The following SHISA9 variants were observed in gnomAD, a reference collection of about 807,000 sequenced individuals.
The protein encoded by SHISA9 is shisa family member 9.
Under a neutral mutation model 38.0 loss-of-function variants are expected in SHISA9, and 13 were observed. The ratio of observed to expected loss-of-function variants is 0.34; its 90% CI spans 0.22 to 0.54. SHISA9 has a LOEUF of 0.54. Ranked by LOEUF, SHISA9 falls within the 20% of genes least tolerant of loss-of-function variation. The probability of loss-of-function intolerance (pLI) is 0.91; values close to 1 mark genes in which losing one functional copy is unlikely to be tolerated. For synonymous variants in SHISA9, 275 were observed against 242.0 expected, an observed-to-expected ratio of 1.14 and a Z score of -1.27; for missense variants, 538 against 575.8, an observed-to-expected ratio of 0.93 and a Z score of 0.67.
intron 2 of SHISA9, among the ~76,000 whole-genome samples, chr16:12,985,222 AAAATAAATAAATAAATAAGT>A (rs1339558120): frequency 1.4e-5 from 2 of 139,858 alleles, no homozygotes; most frequent in African/African-American, 2.8e-5. Context: ...CTGTCAACGA[AAAATAAATAAATAAATAAGT>A]AAATAAATAA....
intron 2 of SHISA9, among the ~76,000 whole-genome samples, chr16:13,111,764 C>T (rs970017262): frequency 1.3e-5 from 2 of 152,220 alleles, no homozygotes; most frequent in African/African-American, 4.8e-5. Flanking sequence ...ATTGAATTGC[C>T]TCTCCCCAAA....
the SHISA9 span, among the ~76,000 whole-genome samples, chr16:13,336,664 C>T: frequency 6.6e-6 from 1 of 152,196 alleles, no homozygotes; most frequent in South Asian, 2.1e-4. Flanking sequence ...ATCAATTTAG[C>T]TGTGGACCAC....
chr16:13,067,042 A>G (rs1465134459), intron 2 of SHISA9, among the ~76,000 whole-genome samples: 2 of 152,226 alleles, frequency 1.3e-5, no homozygotes, highest in African/African-American at 2.4e-5. Context: ...GTGGATGTTC[A>G]AATAGGAAGG....
intron 2 of SHISA9, among the ~76,000 whole-genome samples, chr16:13,105,832 C>A (rs2073920873): frequency 2.6e-5 from 4 of 152,148 alleles, no homozygotes; most frequent in Admixed American, 2.6e-4. Flanking sequence ...TACAGAGCTT[C>A]TAGGTTGAGG....
At chr16:13,549,930 G>GA in the SHISA9 span, among the ~76,000 whole-genome samples, 1 of 152,006 alleles carries the variant, frequency 6.6e-6, no homozygotes, top group Non-Finnish European at 1.5e-5. Flanking sequence ...GGCTGAGGCA[G>GA]GAGAATCGCT....
At chr16:13,483,568 C>T in the SHISA9 span, among the ~76,000 whole-genome samples, 41 of 151,996 alleles carry the variant, frequency 2.7e-4, no homozygotes, top group Non-Finnish European at 4.6e-4. Flanking sequence ...ATTAGAATGT[C>T]AGGTGTGCCA....
At chr16:13,057,717 G>A (rs1250396274) in intron 2 of SHISA9, among the ~76,000 whole-genome samples, 2 of 152,158 alleles carry the variant, frequency 1.3e-5, no homozygotes, top group Admixed American at 1.3e-4. Context: ...ATAGGTAAAC[G>A]TGTGCCATGG....
intron 2 of SHISA9, among the ~76,000 whole-genome samples, chr16:12,967,351 C>T (rs1054454860): frequency 2.6e-5 from 4 of 151,970 alleles, no homozygotes; most frequent in Non-Finnish European, 5.9e-5. Context: ...TAGGTGGGAA[C>T]TGAACAATGA....
the SHISA9 span, among the ~76,000 whole-genome samples, chr16:13,345,478 G>A: frequency 6.6e-6 from 1 of 152,240 alleles, no homozygotes; most frequent in East Asian, 1.9e-4. Flanking sequence ...TGGTGTACAT[G>A]TGCCACATTT....
chr16:12,903,297 C>T (rs373616687), intron 1 of SHISA9, among the ~76,000 whole-genome samples: 119 of 152,306 alleles, frequency 7.8e-4, no homozygotes, highest in Middle Eastern at 3.4e-3. Context: ...TCTCCCTGCC[C>T]GGGGCCGTGG....
At chr16:12,996,004 G>A (rs2072452789) in intron 2 of SHISA9, among the ~76,000 whole-genome samples, 1 of 152,150 alleles carries the variant, frequency 6.6e-6, no homozygotes, top group Non-Finnish European at 1.5e-5. Context: ...AATTGAAGGA[G>A]GGTGTAAATG....
At chr16:13,035,210 C>T (rs188112566) in intron 2 of SHISA9, among the ~76,000 whole-genome samples, 55 of 152,304 alleles carry the variant, frequency 3.6e-4, no homozygotes, top group Non-Finnish European at 2.2e-4. Context: ...ATGCAGCATA[C>T]AACTATGTAC....
the SHISA9 span, among the ~76,000 whole-genome samples, chr16:13,382,952 C>T: frequency 3.3e-5 from 5 of 152,178 alleles, no homozygotes; most frequent in African/African-American, 1.2e-4. Context: ...GATCACATGT[C>T]ATTGATACCT....
At chr16:13,486,922 A>C in the SHISA9 span, among the ~76,000 whole-genome samples, 1 of 152,176 alleles carries the variant, frequency 6.6e-6, no homozygotes, top group Non-Finnish European at 1.5e-5. Flanking sequence ...CAGGCTGGTC[A>C]TGAACTCCCG....
the SHISA9 span, among the ~76,000 whole-genome samples, chr16:13,324,697 T>G: frequency 6.6e-6 from 1 of 152,150 alleles, no homozygotes; most frequent in Admixed American, 6.5e-5. Context: ...CTGAATCAGT[T>G]TAGATTTTTA....
At chr16:12,910,524 T>C in intron 1 of SHISA9, 1 of 985,458 alleles carries the variant, frequency 1.0e-6, no homozygotes, top group Non-Finnish European at 1.2e-6. Context: ...GTACTAGCTT[T>C]CATAAGAAAG....
At chr16:13,452,671 A>G in the SHISA9 span, among the ~76,000 whole-genome samples, 4 of 152,106 alleles carry the variant, frequency 2.6e-5, no homozygotes, top group Non-Finnish European at 4.4e-5. Context: ...AATAATCTTC[A>G]GTGGCTTCTG....
At chr16:13,133,030 C>A (rs2050319029) in intron 2 of SHISA9, among the ~76,000 whole-genome samples, 1 of 152,042 alleles carries the variant, frequency 6.6e-6, no homozygotes, top group African/African-American at 2.4e-5. Context: ...ATTCAACAAA[C>A]CAAAGACTAC....
At chr16:13,136,353 C>G (rs973995870) in intron 2 of SHISA9, among the ~76,000 whole-genome samples, 1 of 148,016 alleles carries the variant, frequency 6.8e-6, no homozygotes, top group Non-Finnish European at 1.5e-5. Context: ...TGCACTTTCT[C>G]TGCTTTCTCT....
Sources: allele counts gnomAD v4.1 joint callset (sites outside exome capture counted in the v4.1 genomes callset), GRCh38; gene constraint gnomAD v4.1.1; transcripts MANE v1.5; gene names NCBI Gene and HGNC (gene_info 2026-07-23, HGNC 2026-07-21).